FCRL1: variants seen among roughly 807,000 people sequenced by gnomAD.
The protein encoded by FCRL1 is Fc receptor like 1, also known as Fc receptor-like protein 1.
In FCRL1, 34 loss-of-function variants were observed where a neutral mutation model predicts 49.2. That is an observed-to-expected ratio of 0.69 (90% CI 0.53 to 0.92). FCRL1 has a LOEUF of 0.92. Ranked by LOEUF, FCRL1 falls within the 40% of genes least tolerant of loss-of-function variation. FCRL1 has a pLI of 0.00. For synonymous variants in FCRL1, 218 were observed against 201.6 expected (o/e 1.08, Z -0.69); for missense variants, 524 against 524.1 (o/e 1.00, Z 0.00).
At chr1:157,802,836 G>A (rs1393881921) in intron 3 of FCRL1, among the ~76,000 whole-genome samples, 172 bp from the exon 4 acceptor site, 1 of 152,076 alleles carries the variant, frequency 6.6e-6, no homozygotes, top group African/African-American at 2.4e-5. Flanking sequence ...ATGGTGGTAG[G>A]ATAAGAAAGA....
chr1:157,802,037 G>A lies in FCRL1; in HGVS notation c.764C>T (p.Pro255Leu). Residue 255 changes from proline (P) to leucine (L), a missense_variant, in exon 5 of 11, where the codon CCC (proline) becomes CTC (leucine). Coordinates refer to ENST00000368176, the MANE Select transcript of FCRL1 (RefSeq NM_052938.5). ...EDITLGSRSA[P>L]SGGGASFNLS... The stretch of plus-strand genomic sequence containing the variant: ...GTTGAAGGAGGCTCCTCCTCCAGAG[G>A]GGGCCGACCTGCTCCCCAGGGTGAT... 3.1e-6 allele frequency: 5 copies of A among 1,614,234 alleles called. No individual in the cohort carries two copies. The highest frequency in any genetic ancestry group is 4.2e-6 in the Non-Finnish European group (5 of 1,180,040).
intron 10 of FCRL1, among the ~76,000 whole-genome samples, chr1:157,796,829 A>C (rs1651563813): frequency 6.6e-6 from 1 of 152,236 alleles, no homozygotes; most frequent in Non-Finnish European, 1.5e-5. Flanking sequence ...CAATAAATAG[A>C]ATTTTTAGAC....
intron 1 of FCRL1, among the ~76,000 whole-genome samples, chr1:157,810,453 C>T (rs886551035): frequency 2.0e-5 from 3 of 151,896 alleles, no homozygotes; most frequent in Non-Finnish European, 4.4e-5. Flanking sequence ...TGCACCACCT[C>T]GCCTGGCTAA....
intron 1 of FCRL1, among the ~76,000 whole-genome samples, chr1:157,815,398 T>C (rs1159734878): frequency 6.6e-6 from 1 of 151,884 alleles, no homozygotes; most frequent in African/African-American, 2.4e-5. Context: ...TAAAATTTAT[T>C]GAGGCAAATA....
In FCRL1 at chr1:157,801,525, C is replaced by A. The variant is rs111870219; in HGVS notation, c.939G>T (p.Leu313=). 5.0e-4 allele frequency: 810 copies of A among 1,614,096 alleles called. 3 individuals carry two copies. The African/African-American group carries it at 9.8e-3, about 19-fold the overall frequency. ...CGGTGGCTGGACCAAGGGTGCTGAG[C>A]AGCCCCTCAATGACTCCTGAGGTAA... ...NHLTSGVIEG[L]LSTLGPATVA... is the part of the protein sequence containing the mutation. The change falls in exon 6 of 11, where the codon CTG becomes CTT. Residue 313 remains leucine, a synonymous_variant. Coordinates refer to ENST00000368176, the MANE Select transcript of FCRL1 (RefSeq NM_052938.5).
intron 1 of FCRL1, among the ~76,000 whole-genome samples, chr1:157,812,077 G>A (rs1019378484): frequency 1.3e-5 from 2 of 152,182 alleles, no homozygotes; most frequent in Admixed American, 1.3e-4. Context: ...AGCTGAGCCA[G>A]CAGACCAACT....
chr1:157,801,604 T>C (rs750604117), intron 5 of FCRL1, 27 bp from the exon 6 acceptor site: 1 of 1,509,970 alleles, frequency 6.6e-7, no homozygotes, highest in South Asian at 1.1e-5. Flanking sequence ...GTGCATGATC[T>C]GCTCAGAGGA....
Position 157,801,930 on chromosome 1 carries a change from T to A in FCRL1, c.871A>T (p.Thr291Ser), listed in dbSNP as rs202181493. 1.2e-6 allele frequency: 2 copies of A among 1,613,458 alleles called. No individual in the cohort carries two copies. Among genetic ancestry groups the A allele is most frequent in the African/African-American group, 2.7e-5 (2 of 75,036 alleles). Residue 291 changes from threonine to serine, a missense_variant, in exon 5 of 11, where the codon ACA (threonine) becomes TCA (serine). Thr to Ser is a moderately conservative substitution (Grantham distance 58, BLOSUM62 1). Transcript: ENST00000368176. ...TGAGCTATACCTGTGAAGTTGAGTG[T>A]CACCGCCTCACTGCGCTGGGCCCCC... ...GLGAQRSEAVTLNFTVPTGAR... is the reference protein window; with the variant it reads ...GLGAQRSEAVSLNFTVPTGAR...
chr1:157,817,237 G>A (rs1655168647), intron 1 of FCRL1, among the ~76,000 whole-genome samples: 1 of 147,770 alleles, frequency 6.8e-6, no homozygotes, highest in South Asian at 2.1e-4. Flanking sequence ...GAAAAGAAAA[G>A]CTTCAGGTAT....
At chr1:157,800,963 C>A (rs957603789) in intron 6 of FCRL1, among the ~76,000 whole-genome samples, 8 of 152,168 alleles carry the variant, frequency 5.3e-5, no homozygotes, top group African/African-American at 1.9e-4. Flanking sequence ...GTGATCTCAG[C>A]TCACTGCAAC....
At chr1:157,801,134 C>T (rs1036733037) in intron 6 of FCRL1, among the ~76,000 whole-genome samples, 2 of 152,206 alleles carry the variant, frequency 1.3e-5, no homozygotes, top group African/African-American at 4.8e-5. Flanking sequence ...TTGTGATCTG[C>T]CCACCTCAGC....
chr1:157,802,158 G>T lies in FCRL1; in HGVS notation c.643C>A (p.Pro215Thr). The T allele has an allele frequency of 1.2e-6, 2 of 1,614,082 alleles. No individual in the cohort carries two copies. The highest frequency in any genetic ancestry group is 1.7e-6 in the Non-Finnish European group (2 of 1,179,962). Reference sequence around the variant, plus strand: ...TCCTCCACTGCAGCCTGGGCCCTGGGAGCCCTGAGCATGAGGATTGGGCGA... The same window carrying T: ...TCCTCCACTGCAGCCTGGGCCCTGGTAGCCCTGAGCATGAGGATTGGGCGA... ...VSRPILMLRA[P>T]RAQAAVEDVL... is the part of the protein sequence containing the mutation. The change falls in exon 5 of 11, where the codon CCC (proline) becomes ACC (threonine). Residue 215 changes from proline to threonine, a missense_variant. Coordinates refer to ENST00000368176, the MANE Select transcript of FCRL1 (RefSeq NM_052938.5).
intron 5 of FCRL1, 25 bp downstream of exon 5, chr1:157,801,890 G>A: frequency 6.3e-7 from 1 of 1,598,684 alleles, no homozygotes; most frequent in South Asian, 1.1e-5. Flanking sequence ...CATTGACCAA[G>A]ACAGTTCCAT....
Position 157,803,981 on chromosome 1 carries a change from C to A in FCRL1, c.183G>T (p.Leu61Phe). Residue 61 changes from leucine (L) to phenylalanine (F), a missense_variant, in exon 3 of 11, where the codon TTG becomes TTT. By Grantham distance (22) the Leu-to-Phe change is conservative. Coordinates refer to ENST00000368176, the MANE Select transcript of FCRL1 (RefSeq NM_052938.5). ...QFCFFRDTRA[L>F]GPGWSSSPKL... ...TGGGGGAGCTGCTCCAGCCTGGGCC[C>A]AAGGCCCGGGTGTCTCTGAAAAAGC... The A allele has an allele frequency of 6.2e-7, 1 of 1,614,178 alleles. No individual in the cohort carries two copies. Among genetic ancestry groups the A allele is most frequent in the Non-Finnish European group, 8.5e-7 (1 of 1,180,040 alleles).
At chr1:157,807,004 G>C in intron 2 of FCRL1, 98 bp downstream of exon 2, 1 of 1,374,082 alleles carries the variant, frequency 7.3e-7, no homozygotes, top group East Asian at 2.3e-5. Context: ...GTTTTGGGCA[G>C]GAAGGGGCTG....
chr1:157,801,965 T>G lies in FCRL1; in HGVS notation c.836A>C (p.Asn279Thr), dbSNP rs746860941. Residue 279 changes from asparagine (N) to threonine (T), a missense_variant, in exon 5 of 11, where the codon AAC becomes ACC. Physicochemically the swap from Asn to Thr is moderately conservative, Grantham distance 65 (BLOSUM62 0). Transcript: ENST00000368176. ...EHSGNYSCEA[N>T]NGLGAQRSEA... Reference sequence around the variant, plus strand: ...ACTGCGCTGGGCCCCCAGGCCATTGTTGGCCTCACAGGAGTAGTTTCCAGA... The same window carrying G: ...ACTGCGCTGGGCCCCCAGGCCATTGGTGGCCTCACAGGAGTAGTTTCCAGA... 1 of 1,614,224 alleles carries G rather than the reference T, an allele frequency of 6.2e-7. No individual in the cohort carries two copies. The highest frequency in any genetic ancestry group is 8.5e-7 in the Non-Finnish European group (1 of 1,180,008).
intron 1 of FCRL1, among the ~76,000 whole-genome samples, chr1:157,818,713 A>T (rs1655395003): frequency 6.6e-6 from 1 of 152,172 alleles, no homozygotes; most frequent in Non-Finnish European, 1.5e-5. Context: ...TTCTTGGGTG[A>T]TGAAAACATT....
chr1:157,803,842 C>G lies in FCRL1; in HGVS notation c.319+3G>C. The G allele has an allele frequency of 1.2e-6, 2 of 1,613,288 alleles. No individual in the cohort carries two copies. Among genetic ancestry groups the G allele is most frequent in the Middle Eastern group, 3.3e-4 (2 of 6,058 alleles). On this transcript the variant is annotated splice_donor_region_variant and intron_variant, in intron 3 of 10. Coordinates refer to ENST00000368176, the MANE Select transcript of FCRL1 (RefSeq NM_052938.5). The stretch of plus-strand genomic sequence containing the variant: ...CTGGCAGACTGACCCCACTGACACT[C>G]ACTGTGCACATTTATCTGGGATCTC...
intron 1 of FCRL1, among the ~76,000 whole-genome samples, chr1:157,808,129 C>T (rs1002532718): frequency 1.3e-5 from 2 of 152,192 alleles, no homozygotes; most frequent in Non-Finnish European, 2.9e-5. Flanking sequence ...CTTGTCCATA[C>T]AGCAAATAAT....
Sources: allele counts gnomAD v4.1 joint callset (sites outside exome capture counted in the v4.1 genomes callset), GRCh38; gene constraint gnomAD v4.1.1; transcripts MANE v1.5; gene names NCBI Gene and HGNC (gene_info 2026-07-23, HGNC 2026-07-21).